SLCO5A1: variants seen among roughly 807,000 people sequenced by gnomAD.
SLCO5A1 encodes the protein organic anion transporter polypeptide-related protein 4.
SLCO5A1 carries 39 observed loss-of-function variants against 65.1 expected under a neutral mutation model. That is an observed-to-expected ratio of 0.60 (90% CI 0.46 to 0.78). The LOEUF (loss-of-function observed/expected upper bound fraction) is 0.78. Among genes scored for constraint, SLCO5A1 ranks in the 30% least tolerant of loss-of-function variants. The pLI, the probability that SLCO5A1 is intolerant of heterozygous loss-of-function variation, is 0.00. For synonymous variants in SLCO5A1, 438 were observed against 415.7 expected, an observed-to-expected ratio of 1.05 and a Z score of -0.65; for missense variants, 1,029 against 1,069.4, an observed-to-expected ratio of 0.96 and a Z score of 0.53.
At chr8:69,754,171 G>C (rs754536779) in intron 4 of SLCO5A1, among the ~76,000 whole-genome samples, 2 of 152,156 alleles carry the variant, frequency 1.3e-5, no homozygotes, top group Non-Finnish European at 2.9e-5. Context: ...CATGGGAAGA[G>C]ATCAGGCCAT....
Position 69,832,239 on chromosome 8 carries a change from G to T in SLCO5A1, c.435C>A (p.Val145=). The change falls in exon 2 of 10, where the codon GTC becomes GTA. Residue 145 remains valine (V), a synonymous_variant. Coordinates refer to ENST00000260126, the MANE Select transcript of SLCO5A1 (RefSeq NM_030958.3). The surrounding 1 kb of genome is among the most constrained non-coding windows in gnomAD (Gnocchi z 4.5). ...TAATTACGCTGCTCAGGTACCCAGA[G>T]ACCATTAACGCCTGGATGAAGGTCA... ...CFLTFIQALM[V]SGYLSSVITT... The T allele has an allele frequency of 6.2e-7, 1 of 1,614,194 alleles. No individual in the cohort carries two copies. The highest frequency in any genetic ancestry group is 8.5e-7 in the Non-Finnish European group (1 of 1,180,036).
At chr8:69,803,237 G>A (rs1424605883) in intron 2 of SLCO5A1, among the ~76,000 whole-genome samples, 1 of 152,080 alleles carries the variant, frequency 6.6e-6, no homozygotes, top group East Asian at 1.9e-4. Flanking sequence ...CCAACATGGT[G>A]AAACCCCATC....
At chr8:69,755,331 A>G in intron 4 of SLCO5A1, 93 bp downstream of exon 4, 1 of 988,832 alleles carries the variant, frequency 1.0e-6, no homozygotes, top group Non-Finnish European at 1.5e-6. Flanking sequence ...ATCTGGCCAC[A>G]GACAGTGGGT....
At chr8:69,695,606 A>G (rs753057584) in intron 6 of SLCO5A1, among the ~76,000 whole-genome samples, 19 of 152,038 alleles carry the variant, frequency 1.2e-4, no homozygotes, top group Non-Finnish European at 2.4e-4. Context: ...AACCAAATGT[A>G]TAAGTAATTA....
At chr8:69,754,680 T>C (rs902632234) in intron 4 of SLCO5A1, among the ~76,000 whole-genome samples, 6 of 152,248 alleles carry the variant, frequency 3.9e-5, no homozygotes, top group African/African-American at 1.4e-4. Context: ...TATGAAATAC[T>C]GAACAAATAT....
chr8:69,689,876 A>G (rs1291675164), intron 6 of SLCO5A1, among the ~76,000 whole-genome samples: 1 of 152,102 alleles, frequency 6.6e-6, no homozygotes, highest in Non-Finnish European at 1.5e-5. Flanking sequence ...TTCTGTGAAG[A>G]AAGTCATTGG....
rs1813384915 is a variant in SLCO5A1 at position 69,672,917 on chromosome 8, C to G, written c.2499G>C (p.Ala833=). 1.9e-6 allele frequency: 3 copies of G among 1,613,978 alleles called. No homozygotes were observed. Among genetic ancestry groups the G allele is most frequent in the African/African-American group, 1.3e-5 (1 of 74,944 alleles). The stretch of plus-strand genomic sequence containing the variant: ...CGGGGCTCTCTTCCAGCCCCGGGTC[C>G]GCAGAGGAACTTATTGCTTCTGGGA... ...GPFPEAISSS[A]DPGLEESPAA... is the part of the protein sequence containing the mutation. Residue 833 remains alanine, a synonymous_variant, in exon 10 of 10, where the codon GCG becomes GCC. Coordinates refer to ENST00000260126, the MANE Select transcript of SLCO5A1 (RefSeq NM_030958.3).
At chr8:69,759,232 G>C (rs191463991) in intron 3 of SLCO5A1, among the ~76,000 whole-genome samples, 1 of 152,112 alleles carries the variant, frequency 6.6e-6, no homozygotes, top group South Asian at 2.1e-4. Context: ...AAATAACTAT[G>C]TCTTTGTTCA....
At chr8:69,802,530 A>C (rs1378145576) in intron 2 of SLCO5A1, among the ~76,000 whole-genome samples, 1 of 151,952 alleles carries the variant, frequency 6.6e-6, no homozygotes, top group East Asian at 1.9e-4. Context: ...TAAAAAAAAA[A>C]AAAAAAAGTT....
At chr8:69,745,137 A>C (rs57811753) in intron 4 of SLCO5A1, among the ~76,000 whole-genome samples, 3,465 of 152,282 alleles carry the variant, frequency 0.023, 134 homozygotes, top group African/African-American at 0.078. Context: ...TAGTGAATGC[A>C]TAGCATAATC....
chr8:69,767,907 A>C (rs1184165460), intron 2 of SLCO5A1, among the ~76,000 whole-genome samples: 52 of 139,364 alleles, frequency 3.7e-4, no homozygotes, highest in East Asian at 2.8e-3. Flanking sequence ...AAAAAAAAAA[A>C]AAAACAAAAA....
At chr8:69,823,626 G>C (rs989739898) in intron 2 of SLCO5A1, among the ~76,000 whole-genome samples, 15 of 152,136 alleles carry the variant, frequency 9.9e-5, no homozygotes, top group African/African-American at 2.6e-4. Flanking sequence ...ATTCATAAAG[G>C]AAGTCCTGAG....
intron 4 of SLCO5A1, among the ~76,000 whole-genome samples, chr8:69,739,803 C>G (rs1816719244): frequency 6.6e-6 from 1 of 152,106 alleles, no homozygotes; most frequent in Admixed American, 6.5e-5. Context: ...AATCATCCTA[C>G]AGCCTCTTGT....
Position 69,670,347 on chromosome 8 carries a change from C to G in SLCO5A1, c.*2522G>C, listed in dbSNP as rs2130779470. The G allele has an allele frequency of 6.6e-6, 1 of 152,300 alleles. No homozygotes were observed. Among genetic ancestry groups the G allele is most frequent in the South Asian group, 2.1e-4 (1 of 4,824 alleles). 9.4% of individuals were successfully genotyped at this position (152,300 alleles called of 1,614,324 possible). A position where few individuals can be genotyped will look rare whatever the true frequency, so the allele number is the denominator to read the frequency against. ...AATGGTATCATCTACAAAACAGTCA[C>G]TTCAGTTGGCTATGTAATATTCCAG... On this transcript the variant is annotated 3_prime_UTR_variant, in exon 10 of 10. Transcript: ENST00000260126.
intron 6 of SLCO5A1, among the ~76,000 whole-genome samples, chr8:69,692,015 G>A (rs983948407): frequency 2.6e-5 from 4 of 152,172 alleles, no homozygotes; most frequent in Admixed American, 6.5e-5. Context: ...TTGGGAGGCC[G>A]AGGTGGGCAG....
intron 2 of SLCO5A1, among the ~76,000 whole-genome samples, chr8:69,804,816 C>T (rs1819921125): frequency 2.6e-5 from 4 of 152,146 alleles, no homozygotes; most frequent in Admixed American, 2.0e-4. Flanking sequence ...AAAAGTGAGA[C>T]ATTCCAAGGG....
chr8:69,675,943 T>A (rs1442707345), intron 9 of SLCO5A1, among the ~76,000 whole-genome samples: 1 of 152,214 alleles, frequency 6.6e-6, no homozygotes, highest in African/African-American at 2.4e-5. Flanking sequence ...ATGTTGTATG[T>A]TACATGCTTA....
intron 7 of SLCO5A1, among the ~76,000 whole-genome samples, chr8:69,680,444 G>A (rs539335865): frequency 1.5e-4 from 23 of 152,304 alleles, no homozygotes; most frequent in African/African-American, 5.3e-4. Context: ...CTGCATCCAT[G>A]TTGCTGCCAA....
intron 2 of SLCO5A1, among the ~76,000 whole-genome samples, chr8:69,780,163 A>C (rs12334801): frequency 0.035 from 5,341 of 152,298 alleles, 105 homozygotes; most frequent in Middle Eastern, 0.044. Flanking sequence ...AGATGTTGGC[A>C]AGGATACAGA....
Sources: allele counts gnomAD v4.1 joint callset (sites outside exome capture counted in the v4.1 genomes callset), GRCh38; gene constraint gnomAD v4.1.1; non-coding constraint Gnocchi (gnomAD v3.1); transcripts MANE v1.5; gene names NCBI Gene and HGNC (gene_info 2026-07-23, HGNC 2026-07-21).